The following PCDHA9 variants were observed in gnomAD, a reference collection of about 807,000 sequenced individuals.
PCDHA9 encodes protocadherin alpha-9.
In PCDHA9, 62 loss-of-function variants were observed where a neutral mutation model predicts 62.0. The ratio of observed to expected loss-of-function variants is 1.00; its 90% CI spans 0.81 to 1.23. The LOEUF (loss-of-function observed/expected upper bound fraction) is 1.23, where lower values mean the gene tolerates loss of function less well. PCDHA9 is among the 50% of genes most tolerant of loss of function. The pLI, the probability that PCDHA9 is intolerant of heterozygous loss-of-function variation, is 0.00. For synonymous variants in PCDHA9, 557 were observed against 567.6 expected (o/e 0.98, Z 0.27); for missense variants, 1,205 against 1,249.8 (o/e 0.96, Z 0.54).
Position 141,010,037 on chromosome 5 carries a change from C to A in PCDHA9, c.*100C>A. The A allele has an allele frequency of 1.3e-6, 2 of 1,582,242 alleles. No individual in the cohort carries two copies. The highest frequency in any genetic ancestry group is 1.2e-5 in the South Asian group (1 of 84,630). On this transcript the variant is annotated 3_prime_UTR_variant, in exon 4 of 4. Transcript: ENST00000532602. ...GCTCCTTTTTCCTATCTACATGAGC[C>A]CTCTTAGAGACCTCAGAAATCTGCA...
intron 1 of PCDHA9, chr5:140,929,052 C>G (rs1379551578): frequency 6.2e-7 from 1 of 1,614,058 alleles, no homozygotes; most frequent in African/African-American, 1.3e-5. Context: ...GCTGCTGTCG[C>G]TCTACAGAGG....
intron 1 of PCDHA9, among the ~76,000 whole-genome samples, chr5:140,948,738 A>T (rs1347138284): frequency 6.6e-6 from 1 of 151,488 alleles, no homozygotes; most frequent in African/African-American, 2.4e-5. Flanking sequence ...CTAGCTGAGA[A>T]TTTATCAATT....
At chr5:140,988,851 C>T (rs2097316213) in intron 3 of PCDHA9, 1 of 152,174 alleles carries the variant, frequency 6.6e-6, no homozygotes, top group Admixed American at 6.5e-5. Context: ...TGAAACCTAT[C>T]CAGTCTCATG....
At position 140,856,186 on chromosome 5, in the gene PCDHA9, C is replaced by G. The variant is rs1451778566; in HGVS notation, c.2394+5297C>G. 97 of 1,598,138 alleles carry G rather than the reference C, an allele frequency of 6.1e-5. 9 individuals carry two copies. The highest frequency in any genetic ancestry group is 8.0e-5 in the Non-Finnish European group (94 of 1,167,930). Reference sequence around the variant, plus strand: ...CCAGACACGGCACCTTCGTGGGCCGCATCGCGCAGGACCTGGGGCTGGAGC... The same window carrying G: ...CCAGACACGGCACCTTCGTGGGCCGGATCGCGCAGGACCTGGGGCTGGAGC... On this transcript the variant is annotated intron_variant, in intron 1 of 3. Transcript: ENST00000532602.
chr5:140,877,016 G>A (rs781790454), intron 1 of PCDHA9: 2 of 1,612,362 alleles, frequency 1.2e-6, no homozygotes, highest in Non-Finnish European at 1.7e-6. Context: ...GCGGAGAGCG[G>A]CAAGGTGTAC....
At chr5:140,875,229 T>C (rs893316010) in intron 1 of PCDHA9, 7 of 838,964 alleles carry the variant, frequency 8.3e-6, no homozygotes, top group Non-Finnish European at 1.2e-5. Flanking sequence ...TCAGGATCTT[T>C]CTTGTACTTA....
intron 1 of PCDHA9, among the ~76,000 whole-genome samples, chr5:140,940,668 C>T (rs1475667382): frequency 3.3e-5 from 5 of 152,166 alleles, no homozygotes; most frequent in African/African-American, 1.2e-4. Flanking sequence ...AAATCTTCAT[C>T]TGATAATTCC....
intron 1 of PCDHA9, among the ~76,000 whole-genome samples, chr5:140,934,619 C>G (rs1403192448): frequency 1.3e-5 from 2 of 152,028 alleles, no homozygotes; most frequent in Non-Finnish European, 2.9e-5. Flanking sequence ...GCCTGAGGTA[C>G]AGTTCACACA....
intron 1 of PCDHA9, chr5:140,858,134 G>T (rs1277423393): frequency 3.1e-6 from 5 of 1,597,762 alleles, no homozygotes; most frequent in East Asian, 2.2e-5. Context: ...GGATGTCAAC[G>T]TGTACCTGAT....
intron 1 of PCDHA9, among the ~76,000 whole-genome samples, chr5:140,909,546 A>T (rs1322878685): frequency 6.6e-6 from 1 of 152,180 alleles, no homozygotes; most frequent in African/African-American, 2.4e-5. Flanking sequence ...TGATGGTGGC[A>T]CTAATCTCTG....
chr5:140,875,637 G>T, intron 1 of PCDHA9: 1 of 1,613,638 alleles, frequency 6.2e-7, no homozygotes, highest in Non-Finnish European at 8.5e-7. Flanking sequence ...TGGGGCTGGA[G>T]CTGGCGGAGC....
At chr5:140,859,289 A>G (rs2045796105) in intron 1 of PCDHA9, 1 of 129,084 alleles carries the variant, frequency 7.7e-6, no homozygotes, top group African/African-American at 2.7e-5. Context: ...GAGACTGAAA[A>G]TACTTTAGTA....
chr5:140,903,349 A>T (rs1191077377), intron 1 of PCDHA9, among the ~76,000 whole-genome samples: 1 of 152,240 alleles, frequency 6.6e-6, no homozygotes, highest in Non-Finnish European at 1.5e-5. Flanking sequence ...ATTTTAAAAA[A>T]CAAGTTTTTC....
chr5:140,903,020 A>G lies in PCDHA9; in HGVS notation c.2394+52131A>G, dbSNP rs375776888. ...AATTGTGAATTGTGCTGCTATCAAC[A>G]TGGCTTGCACATGTGTCTTTTTCAT... On this transcript the variant is annotated intron_variant, in intron 1 of 3. Coordinates refer to ENST00000532602, the MANE Select transcript of PCDHA9 (RefSeq NM_031857.2). Among the ~76,000 whole-genome samples the G allele has an allele frequency of 2.4e-4, 36 of 152,312 alleles. No homozygotes were observed. In the East Asian group the frequency reaches 6.4e-3, roughly 27 times the overall value.
intron 1 of PCDHA9, chr5:140,927,999 C>T: frequency 6.2e-7 from 1 of 1,614,174 alleles, no homozygotes; most frequent in Non-Finnish European, 8.5e-7. Flanking sequence ...ATGAAGACCT[C>T]GATTCTAATG....
chr5:140,872,338 A>G (rs970096150), intron 1 of PCDHA9, among the ~76,000 whole-genome samples: 2 of 152,156 alleles, frequency 1.3e-5, no homozygotes, highest in Non-Finnish European at 2.9e-5. Flanking sequence ...AAAATTCTAC[A>G]TGTTCTTGCC....
chr5:140,877,217 C>A (rs571871387), intron 1 of PCDHA9: 2 of 1,613,742 alleles, frequency 1.2e-6, no homozygotes, highest in African/African-American at 1.3e-5. Flanking sequence ...GAGTTGGTAC[C>A]GCGGTCGGTG....
At chr5:140,902,038 A>G (rs900077287) in intron 1 of PCDHA9, among the ~76,000 whole-genome samples, 13 of 152,040 alleles carry the variant, frequency 8.6e-5, no homozygotes, top group African/African-American at 2.9e-4. Context: ...TAATTTTTGT[A>G]TGTTGATTTT....
At chr5:140,879,084 G>T (rs927310887) in intron 1 of PCDHA9, among the ~76,000 whole-genome samples, 1 of 152,174 alleles carries the variant, frequency 6.6e-6, no homozygotes, top group Non-Finnish European at 1.5e-5. Flanking sequence ...AGATAAGTAG[G>T]AACAACTGCA....
Sources: allele counts gnomAD v4.1 joint callset (sites outside exome capture counted in the v4.1 genomes callset), GRCh38; gene constraint gnomAD v4.1.1; transcripts MANE v1.5; gene names NCBI Gene and HGNC (gene_info 2026-07-23, HGNC 2026-07-21).